Variants in NBPF12 observed in about 807,000 individuals in gnomAD.
NBPF12 encodes the protein NBPF family member NBPF12.
NBPF12 carries 115 observed loss-of-function variants against 146.4 expected under a neutral mutation model. The ratio of observed to expected loss-of-function variants is 0.79; its 90% CI spans 0.68 to 0.92. NBPF12 has a LOEUF of 0.92. Ranked by LOEUF, NBPF12 falls within the 40% of genes least tolerant of loss-of-function variation. NBPF12 has a pLI of 0.00. For synonymous variants in NBPF12, 385 were observed against 508.9 expected, an observed-to-expected ratio of 0.76 and a Z score of 3.28; for missense variants, 1,205 against 1,326.8, an observed-to-expected ratio of 0.91 and a Z score of 1.43.
rs1426644231 is a variant in NBPF12, at chr1:146,954,645, T to C, written c.-184+3156T>C. ...ATTTTCAAGCTGATTCTACCATTTATATGGTAATGTCAATGATCAAGAATA... is the reference window on the plus strand; with the variant it reads ...ATTTTCAAGCTGATTCTACCATTTACATGGTAATGTCAATGATCAAGAATA... On this transcript the variant is annotated intron_variant, in intron 2 of 33. Transcript: ENST00000617844. Among the ~76,000 whole-genome samples the C allele has an allele frequency of 4.0e-5, 6 of 150,208 alleles. No homozygotes were observed. The East Asian group carries it at 1.2e-3, about 29-fold the overall frequency.
rs1187318170 is a variant in NBPF12 at position 146,994,752 on chromosome 1, A to G, written c.*177A>G. 122 of 1,078,206 alleles carry G rather than the reference A, an allele frequency of 1.1e-4. 1 individual carries two copies. Among genetic ancestry groups the G allele is most frequent in the Admixed American group, 7.2e-4 (26 of 36,322 alleles). 66.8% of individuals were successfully genotyped at this position (1,078,206 alleles called of 1,614,324 possible). On this transcript the variant is annotated 3_prime_UTR_variant, in exon 34 of 34. Coordinates refer to ENST00000617844, the Ensembl canonical transcript of NBPF12. ...GCAACCTGTGCTCAGTCTGAAGACA[A>G]TGGACCCACGTTAGGTGTGACACGT...
chr1:146,940,634 T>TAGTAATATGTAATAATA (rs1654758755), intron 1 of NBPF12, among the ~76,000 whole-genome samples: 1 of 151,838 alleles, frequency 6.6e-6, no homozygotes, highest in Non-Finnish European at 1.5e-5. Flanking sequence ...CATTACTATA[T>TAGTAATATGTAATAATA]TGGGGTATAT....
At chr1:146,981,359 A>G (rs1405127902) in intron 19 of NBPF12, among the ~76,000 whole-genome samples, 1 of 148,920 alleles carries the variant, frequency 6.7e-6, no homozygotes, top group African/African-American at 2.5e-5. Context: ...CATATGGAAA[A>G]AAAAAGAATG....
At chr1:146,994,659 T>G in exon 34 of NBPF12, 1 of 1,572,076 alleles carries the variant, frequency 6.4e-7, no homozygotes, top group Non-Finnish European at 8.6e-7. Flanking sequence ...TATAGTTCCA[T>G]TTGGAAGCCC....
At chr1:146,983,007 G>C in exon 20 of NBPF12, 2 of 1,609,478 alleles carry the variant, frequency 1.2e-6, no homozygotes, top group South Asian at 2.2e-5. Context: ...AATTCCTCCT[G>C]AAAGGTTGGC....
chr1:146,973,358 T>C (rs1656781003), intron 14 of NBPF12, among the ~76,000 whole-genome samples: 4 of 151,792 alleles, frequency 2.6e-5, no homozygotes, highest in Non-Finnish European at 5.9e-5. Flanking sequence ...AAGTTTCTGT[T>C]GAGGCCCAAT....
rs1210488876 is a variant in NBPF12 at position 146,962,294 on chromosome 1, G to A, written c.278+31G>A. On this transcript the variant is annotated intron_variant, in intron 5 of 33. Transcript: ENST00000617844. The stretch of plus-strand genomic sequence containing the variant: ...GGGACCCCATGGGGGGAGGCAGGCG[G>A]GTAGGTGTGTAGATCTCTGAAGTAC... The A allele has an allele frequency of 1.4e-5, 22 of 1,566,268 alleles. No individual in the cohort carries two copies. In the Admixed American group the frequency reaches 1.5e-4, roughly 11 times the overall value.
Position 146,994,739 on chromosome 1 carries a change from C to T in NBPF12, c.*164C>T, listed in dbSNP as rs2101942166. On this transcript the variant is annotated 3_prime_UTR_variant, in exon 34 of 34. Transcript: ENST00000617844. ...GAGCATGCCAGTGGCAACCTGTGCT[C>T]AGTCTGAAGACAATGGACCCACGTT... 3 of 1,240,740 alleles carry T rather than the reference C, an allele frequency of 2.4e-6. No individual in the cohort carries two copies. The South Asian group carries it at 4.4e-5, about 18-fold the overall frequency. 76.9% of individuals were successfully genotyped at this position (1,240,740 alleles called of 1,614,324 possible).
At chr1:146,938,649 G>T (rs1332564539), upstream of NBPF12, 1 of 151,504 alleles carries the variant, frequency 6.6e-6, no homozygotes, top group East Asian at 1.9e-4. Flanking sequence ...CCTTTTCTCC[G>T]CCCGCGGCCC....
intron 10 of NBPF12, among the ~76,000 whole-genome samples, chr1:146,968,815 A>C (rs1656373491): frequency 1.3e-5 from 2 of 151,566 alleles, no homozygotes; most frequent in Admixed American, 1.3e-4. Flanking sequence ...AATTAACCAA[A>C]GGAGTGTGAA....
Position 146,977,152 on chromosome 1 carries a change from G to A in NBPF12, c.2192+151G>A, listed in dbSNP as rs1553887487. 2.4e-4 allele frequency among the ~76,000 whole-genome samples: 35 copies of A among 148,814 alleles called. No individual in the cohort carries two copies. In the East Asian group the frequency reaches 3.8e-3, roughly 16 times the overall value. On this transcript the variant is annotated intron_variant, in intron 17 of 33. Transcript: ENST00000617844. The stretch of plus-strand genomic sequence containing the variant: ...ATAACCCAGCTTAGACACAGGGTGC[G>A]GCAGGTGTCATGTTTCTCTATGTGT...
chr1:146,961,401 A>C (rs1355551129), intron 4 of NBPF12, among the ~76,000 whole-genome samples: 3 of 151,774 alleles, frequency 2.0e-5, no homozygotes, highest in African/African-American at 7.3e-5. Flanking sequence ...TACTACAATA[A>C]TACCTACCTC....
chr1:146,978,260 A>ATTTTTTTT (rs1187524068), intron 18 of NBPF12, among the ~76,000 whole-genome samples: 118 of 83,842 alleles, frequency 1.4e-3, no homozygotes, highest in African/African-American at 5.3e-3. Flanking sequence ...AGCGTCGTAG[A>ATTTTTTTT]TTTTTTTTTT....
chr1:146,970,518 A>C, intron 11 of NBPF12, 129 bp from the exon 15 acceptor site: 1 of 1,285,150 alleles, frequency 7.8e-7, no homozygotes. Context: ...TTTGTGAAAG[A>C]TAAAACATGA....
At chr1:146,964,311 A>C (rs1656052534) in intron 6 of NBPF12, 46 bp from the exon 10 acceptor site, 2 of 1,598,388 alleles carry the variant, frequency 1.3e-6, no homozygotes, top group African/African-American at 1.3e-5. Context: ...CTGTGCTTGC[A>C]GAATGTGAAG....
upstream of NBPF12, among the ~76,000 whole-genome samples, chr1:146,948,828 A>G (rs1655188982): frequency 6.6e-6 from 1 of 151,488 alleles, no homozygotes; most frequent in Admixed American, 6.6e-5. Flanking sequence ...ATCCCTGGGC[A>G]ATGGAATGTC....
chr1:146,946,315 A>T (rs1426899312), upstream of NBPF12, among the ~76,000 whole-genome samples: 1 of 151,094 alleles, frequency 6.6e-6, no homozygotes, highest in Non-Finnish European at 1.5e-5. Flanking sequence ...TCCACTAGCT[A>T]TGGAGAGTTC....
intron 1 of NBPF12, among the ~76,000 whole-genome samples, chr1:146,950,109 C>G (rs1191605032): frequency 1.3e-5 from 2 of 152,030 alleles, no homozygotes; most frequent in African/African-American, 4.8e-5. Context: ...TTCCATCTAC[C>G]ACAGTAGGAC....
intron 9 of NBPF12, among the ~76,000 whole-genome samples, chr1:146,967,367 G>T (rs1656274057): frequency 6.6e-6 from 1 of 150,984 alleles, no homozygotes; most frequent in South Asian, 2.1e-4. Flanking sequence ...TGGGCGTGGT[G>T]GCAGGTGACT....
Sources: gnomAD v4.1 joint callset for allele counts (sites outside exome capture counted in the v4.1 genomes callset) on GRCh38, gnomAD v4.1.1 for gene constraint, MANE v1.5 for transcripts, NCBI Gene and HGNC (gene_info 2026-07-23, HGNC 2026-07-21) for gene names.